The following HNRNPDL variants were observed in gnomAD, a reference collection of about 807,000 sequenced individuals.
The protein encoded by HNRNPDL is heterogeneous nuclear ribonucleoprotein D like.
A neutral mutation model predicts 48.0 loss-of-function variants in HNRNPDL; 18 were observed. The ratio of observed to expected loss-of-function variants is 0.38; its 90% CI spans 0.26 to 0.56. The LOEUF (loss-of-function observed/expected upper bound fraction) is 0.56, where lower values mean the gene tolerates loss of function less well. Ranked by LOEUF, HNRNPDL falls within the 20% of genes least tolerant of loss-of-function variation. The pLI is 0.77. For missense variants in HNRNPDL, 553 were observed against 540.7 expected (o/e 1.02, Z -0.23); for synonymous variants, 306 against 207.3 (o/e 1.48, Z -4.09).
intron 6 of HNRNPDL, 76 bp downstream of exon 6, chr4:82,426,387 A>C: frequency 7.4e-7 from 1 of 1,349,958 alleles, no homozygotes; most frequent in South Asian, 1.2e-5. Context: ...CCATACACAC[A>C]ATTTCAGAAC....
chr4:82,428,674 G>C (rs1265127035), intron 1 of HNRNPDL, among the ~76,000 whole-genome samples: 1 of 152,186 alleles, frequency 6.6e-6, no homozygotes, highest in African/African-American at 2.4e-5. Flanking sequence ...GCTCAAAAGA[G>C]ACCAATAAAA....
intron 3 of HNRNPDL, 45 bp from the exon 4 acceptor site, chr4:82,427,609 C>G: frequency 6.3e-7 from 1 of 1,585,764 alleles, no homozygotes; most frequent in South Asian, 1.2e-5. Context: ...AATTGTAAAA[C>G]GTTACAGTGT....
At position 82,426,626 on chromosome 4, in the gene HNRNPDL, G is replaced by A. The variant is rs1320576883; in HGVS notation, c.1029C>T (p.Gly343=). Residue 343 remains glycine, a synonymous_variant, in exon 6 of 8, where the codon GGC becomes GGT. Transcript: ENST00000295470. ...GGTRGRGRGQ[G]QNWNQGFNNY... Reference sequence around the variant, plus strand: ...TATTAAATCCTTGGTTCCAGTTTTGGCCCTGACCTGAAACAATGCACAATG... The same window carrying A: ...TATTAAATCCTTGGTTCCAGTTTTGACCCTGACCTGAAACAATGCACAATG... 1 of 1,613,166 alleles carries A rather than the reference G, an allele frequency of 6.2e-7. No individual in the cohort carries two copies. The highest frequency in any genetic ancestry group is 2.2e-5 in the East Asian group (1 of 44,864).
At position 82,423,747 on chromosome 4, in the gene HNRNPDL, A is replaced by G. The variant is rs536785671; in HGVS notation, c.*1159T>C. 6.6e-6 allele frequency: 1 copy of G among 152,320 alleles called. No homozygotes were observed. The highest frequency in any genetic ancestry group is 2.1e-4 in the South Asian group (1 of 4,826). 9.4% of individuals were successfully genotyped at this position (152,320 alleles called of 1,614,324 possible). A position where few individuals can be genotyped will look rare whatever the true frequency, so the allele number is the denominator to read the frequency against. On this transcript the variant is annotated 3_prime_UTR_variant, in exon 8 of 8. Transcript: ENST00000295470. Reference sequence around the variant, plus strand: ...CTGGATATAAAACGGATTCTTTTCAATGCACCCAGAGGGTCCACTGTAATG... The same window carrying G: ...CTGGATATAAAACGGATTCTTTTCAGTGCACCCAGAGGGTCCACTGTAATG...
At chr4:82,427,405 T>C in intron 4 of HNRNPDL, 28 bp downstream of exon 4, 1 of 1,555,100 alleles carries the variant, frequency 6.4e-7, no homozygotes, top group Non-Finnish European at 8.7e-7. Context: ...TATTTAAATT[T>C]TCATTTAAAG....
At position 82,429,560 on chromosome 4, in the gene HNRNPDL, G is replaced by T; in HGVS notation, c.131C>A (p.Ser44Ter). The T allele has an allele frequency of 7.0e-7, 1 of 1,438,118 alleles. No individual in the cohort carries two copies. Among genetic ancestry groups the T allele is most frequent in the East Asian group, 2.8e-5 (1 of 35,398 alleles). The allele number at this position is 1,438,118 out of a possible 1,614,324, so 89.1% of individuals were successfully genotyped here. Reference protein sequence around the residue: ...PPRQLAPLLPSLAPSSARQGA... With the variant: ...PPRQLAPLLP ...CTGCCGGGCGGAGCTGGGAGCGAGC[G>T]AAGGGAGGAGCGGGGCTAGCTGCCG... Residue 44 changes from serine to a stop codon, truncating the protein, a stop_gained, in exon 1 of 8, where the codon TCG (serine) becomes TAG (stop). Transcript: ENST00000295470. LOFTEE classifies it high-confidence loss of function.
chr4:82,423,506 A>T lies in HNRNPDL; in HGVS notation c.*1400T>A, dbSNP rs983751097. 6.6e-6 allele frequency: 1 copy of T among 152,274 alleles called. No individual in the cohort carries two copies. Among genetic ancestry groups the T allele is most frequent in the African/African-American group, 2.4e-5 (1 of 41,544 alleles). 9.4% of individuals were successfully genotyped at this position (152,274 alleles called of 1,614,324 possible). On this transcript the variant is annotated 3_prime_UTR_variant, in exon 8 of 8. Coordinates refer to ENST00000295470, the MANE Select transcript of HNRNPDL (RefSeq NM_031372.4). ...AGCCCAGGAAGTAGAATCATTGTTA[A>T]GAAAGTTGCAGGCACCAAATTAAAA...
rs937963642 is a variant in HNRNPDL at position 82,430,404 on chromosome 4, C to T, written c.-714G>A. ...GTGCCCCGGGCCTCTCCCGCTCGCT[C>T]AACCTGTCTGCGGAGGGCGCGCTCT... On this transcript the variant is annotated 5_prime_UTR_variant, in exon 1 of 8. Transcript: ENST00000295470. The T allele has an allele frequency of 2.7e-5, 5 of 184,190 alleles. No individual in the cohort carries two copies. The highest frequency in any genetic ancestry group is 3.2e-4 in the East Asian group (2 of 6,242). 11.4% of individuals were successfully genotyped at this position (184,190 alleles called of 1,614,324 possible).
chr4:82,428,511 T>A, intron 1 of HNRNPDL, 65 bp from the exon 2 acceptor site: 1 of 1,295,252 alleles, frequency 7.7e-7, no homozygotes, highest in Non-Finnish European at 1.1e-6. Flanking sequence ...GTTCTGGAAT[T>A]AAATCGTGAA....
In HNRNPDL at chr4:82,430,183, C is replaced by A. The variant is rs1453602697; in HGVS notation, c.-493G>T. ...CGCGGGCCAAGGGGGCGCGGCGGGG[C>A]CTCCCGGGCTGATCGGCCGAAGCCC... is the stretch of plus-strand genomic sequence containing the variant. On this transcript the variant is annotated 5_prime_UTR_variant, in exon 1 of 8. Transcript: ENST00000295470. 6.6e-6 allele frequency: 1 copy of A among 152,106 alleles called. No individual in the cohort carries two copies. Among genetic ancestry groups the A allele is most frequent in the Non-Finnish European group, 1.5e-5 (1 of 68,136 alleles). 9.4% of individuals were successfully genotyped at this position (152,106 alleles called of 1,614,324 possible).
At chr4:82,428,918 G>C (rs902008633) in intron 1 of HNRNPDL, among the ~76,000 whole-genome samples, 2 of 152,212 alleles carry the variant, frequency 1.3e-5, no homozygotes, top group African/African-American at 2.4e-5. Context: ...AGTGGTAACA[G>C]AGACACAATG....
chr4:82,426,610 C>T lies in HNRNPDL; in HGVS notation c.1045G>A (p.Gly349Arg). Residue 349 changes from glycine (G) to arginine (R), a missense_variant, in exon 6 of 8, where the codon GGA becomes AGA. Around this residue, in one of 4 missense-constraint regions of HNRNPDL, gnomAD observed 174 missense variants for 204.6 expected, o/e 0.85. Coordinates refer to ENST00000295470, the MANE Select transcript of HNRNPDL (RefSeq NM_031372.4). ...GRGQGQNWNQGFNNYYDQGYG... is the reference protein window; with the variant it reads ...GRGQGQNWNQRFNNYYDQGYG... ...CCTTGATCATAATAGTTATTAAATC[C>T]TTGGTTCCAGTTTTGGCCCTGACCT... 1 of 1,613,738 alleles carries T rather than the reference C, an allele frequency of 6.2e-7. No individual in the cohort carries two copies. The highest frequency in any genetic ancestry group is 1.7e-4 in the Middle Eastern group (1 of 6,054).
At position 82,424,897 on chromosome 4, in the gene HNRNPDL, C is replaced by G. The variant is rs1194988807; in HGVS notation, c.*23-14G>C. On this transcript the variant is annotated splice_polypyrimidine_tract_variant and intron_variant, in intron 7 of 7. Transcript: ENST00000295470. The stretch of plus-strand genomic sequence containing the variant: ...TAACATCTCCTCCTAAAAACAAAAA[C>G]AAAATACCAGTTAGATTTGTGCAAC... 1 of 152,148 alleles carries G rather than the reference C, an allele frequency of 6.6e-6. No individual in the cohort carries two copies. The highest frequency in any genetic ancestry group is 1.5e-5 in the Non-Finnish European group (1 of 68,004). The allele number at this position is 152,148 out of a possible 1,614,324, so 9.4% of individuals were successfully genotyped here. A position where few individuals can be genotyped will look rare whatever the true frequency, so the allele number is the denominator to read the frequency against.
intron 2 of HNRNPDL, 39 bp downstream of exon 2, chr4:82,428,239 A>C (rs371706789): frequency 3.6e-5 from 58 of 1,607,276 alleles, no homozygotes; most frequent in South Asian, 1.7e-4. Context: ...AATTTGCAAA[A>C]CACCACAAAA....
At position 82,424,376 on chromosome 4, in the gene HNRNPDL, C is replaced by A. The variant is rs1165647795; in HGVS notation, c.*530G>T. The A allele has an allele frequency of 6.6e-6, 1 of 152,594 alleles. No individual in the cohort carries two copies. Among genetic ancestry groups the A allele is most frequent in the East Asian group, 1.9e-4 (1 of 5,202 alleles). 9.5% of individuals were successfully genotyped at this position (152,594 alleles called of 1,614,324 possible). A position where few individuals can be genotyped will look rare whatever the true frequency, so the allele number is the denominator to read the frequency against. ...TATGTCTTCCTTTCAGGACAGTCTTCAGATAACCAGAAGGGAAAGAACATT... is the reference window on the plus strand; with the variant it reads ...TATGTCTTCCTTTCAGGACAGTCTTAAGATAACCAGAAGGGAAAGAACATT... On this transcript the variant is annotated 3_prime_UTR_variant, in exon 8 of 8. Coordinates refer to ENST00000295470, the MANE Select transcript of HNRNPDL (RefSeq NM_031372.4).
rs764190936 is a variant in HNRNPDL at position 82,429,613 on chromosome 4, G to A, written c.78C>T (p.Ser26=). 112 of 1,380,922 alleles carry A rather than the reference G, an allele frequency of 8.1e-5. No individual in the cohort carries two copies. The highest frequency in any genetic ancestry group is 7.6e-4 in the Middle Eastern group (3 of 3,966). 85.5% of individuals were successfully genotyped at this position (1,380,922 alleles called of 1,614,324 possible). ...PSAPATLASR[S]LSHWRPRPPR... is the part of the protein sequence containing the mutation. Reference sequence around the variant, plus strand: ...GCGGCCGCGGCCGCCAATGGGAGAGGCTGCGGGAGGCTAAAGTAGCGGGAG... The same window carrying A: ...GCGGCCGCGGCCGCCAATGGGAGAGACTGCGGGAGGCTAAAGTAGCGGGAG... Residue 26 remains serine, a synonymous_variant, in exon 1 of 8, where the codon AGC becomes AGT. Transcript: ENST00000295470.
chr4:82,423,555 A>C lies in HNRNPDL; in HGVS notation c.*1351T>G, dbSNP rs917114661. On this transcript the variant is annotated 3_prime_UTR_variant, in exon 8 of 8. Coordinates refer to ENST00000295470, the MANE Select transcript of HNRNPDL (RefSeq NM_031372.4). Reference sequence around the variant, plus strand: ...AAAAAAAAAGGGAGGGCTCATGAGCATAAGAAACTTACCAGTTTTGTGAGA... The same window carrying C: ...AAAAAAAAAGGGAGGGCTCATGAGCCTAAGAAACTTACCAGTTTTGTGAGA... 12 of 152,060 alleles carry C rather than the reference A, an allele frequency of 7.9e-5. No homozygotes were observed. Among genetic ancestry groups the C allele is most frequent in the African/African-American group, 2.7e-4 (11 of 41,490 alleles). The allele number at this position is 152,060 out of a possible 1,614,324, so 9.4% of individuals were successfully genotyped here.
Position 82,429,923 on chromosome 4 carries a change from C to G in HNRNPDL, c.-233G>C, listed in dbSNP as rs1052057068. 5.5e-6 allele frequency: 2 copies of G among 360,888 alleles called. No homozygotes were observed. Among genetic ancestry groups the G allele is most frequent in the African/African-American group, 2.1e-5 (1 of 47,574 alleles). The allele number at this position is 360,888 out of a possible 1,614,324, so 22.4% of individuals were successfully genotyped here. The stretch of plus-strand genomic sequence containing the variant: ...CCCGCCTTTTTCTGCCCTCGGTTCG[C>G]CAGTGCGGAGCCGCTGCGGCGGCCG... On this transcript the variant is annotated 5_prime_UTR_variant, in exon 1 of 8. Transcript: ENST00000295470.
At position 82,429,365 on chromosome 4, in the gene HNRNPDL, C is replaced by G. The variant is rs780878669; in HGVS notation, c.326G>C (p.Arg109Pro). ...AAAAAATRTA[R>P]QHPPADSSVT... Reference sequence around the variant, plus strand: ...GGAGCTGTCGGCAGGGGGGTGCTGGCGCGCAGTCCGGGTCGCGGCAGCAGC... The same window carrying G: ...GGAGCTGTCGGCAGGGGGGTGCTGGGGCGCAGTCCGGGTCGCGGCAGCAGC... Residue 109 changes from arginine (R) to proline (P), a missense_variant, in exon 1 of 8, where the codon CGC becomes CCC. This residue lies in a region of HNRNPDL where 327 missense variants were observed against 203.2 expected (regional missense o/e 1.61). Coordinates refer to ENST00000295470, the MANE Select transcript of HNRNPDL (RefSeq NM_031372.4). The G allele has an allele frequency of 8.7e-6, 14 of 1,613,392 alleles. No individual in the cohort carries two copies. The South Asian group carries it at 9.9e-5, about 11-fold the overall frequency.
Sources: allele counts gnomAD v4.1 joint callset (sites outside exome capture counted in the v4.1 genomes callset), GRCh38; gene constraint gnomAD v4.1.1; regional missense constraint gnomAD v4.1.1; transcripts MANE v1.5; gene names NCBI Gene and HGNC (gene_info 2026-07-23, HGNC 2026-07-21).